Variants in PTPRK observed in about 807,000 individuals in gnomAD.
The protein encoded by PTPRK is protein tyrosine phosphatase receptor type K, also known as receptor-type tyrosine-protein phosphatase kappa.
In PTPRK, 75 loss-of-function variants were observed where a neutral mutation model predicts 178.0. The observed-to-expected ratio is 0.42, with a 90% CI of 0.35 to 0.51. PTPRK has a LOEUF of 0.51. Among genes scored for constraint, PTPRK ranks in the 20% least tolerant of loss-of-function variants. PTPRK has a pLI of 0.02. For missense variants in PTPRK, 1,441 were observed against 1,797.8 expected, an observed-to-expected ratio of 0.80 and a Z score of 3.59; for synonymous variants, 637 against 620.6, an observed-to-expected ratio of 1.03 and a Z score of -0.39.
intron 1 of PTPRK, among the ~76,000 whole-genome samples, chr6:128,480,388 C>T (rs1851915848): frequency 7.1e-6 from 1 of 141,568 alleles, no homozygotes; most frequent in East Asian, 1.9e-4. Context: ...CCTCCCAAAC[C>T]CCTAGGCTCA....
chr6:128,269,900 A>G (rs1212282284), intron 3 of PTPRK, among the ~76,000 whole-genome samples: 1 of 152,074 alleles, frequency 6.6e-6, no homozygotes, highest in African/African-American at 2.4e-5. Flanking sequence ...TCCCAAAGCA[A>G]CTCCTCTTAT....
chr6:128,505,998 C>A (rs1178015053), intron 1 of PTPRK, among the ~76,000 whole-genome samples: 1 of 152,054 alleles, frequency 6.6e-6, no homozygotes, highest in Non-Finnish European at 1.5e-5. Flanking sequence ...AGCTAGGCAA[C>A]CTCCAAAAAG....
chr6:128,397,615 C>A lies in PTPRK; in HGVS notation c.174G>T (p.Val58=), dbSNP rs781515126. The change falls in exon 2 of 30, where the codon GTG becomes GTT. Residue 58 remains valine, a synonymous_variant. Transcript: ENST00000368226. ...AATGAGGCTCTTGAGCACTAACATG[C>A]ACCCATTCAAAGTCATCATACAGAT... is the stretch of plus-strand genomic sequence containing the variant. ...HQDLYDDFEW[V]HVSAQEPHYL... 6.2e-7 allele frequency: 1 copy of A among 1,613,906 alleles called. No homozygotes were observed. Among genetic ancestry groups the A allele is most frequent in the East Asian group, 2.2e-5 (1 of 44,862 alleles).
chr6:127,977,161 C>T (rs1446935918), intron 25 of PTPRK, 107 bp from the exon 26 acceptor site: 1 of 1,119,662 alleles, frequency 8.9e-7, no homozygotes, highest in Non-Finnish European at 1.3e-6. Flanking sequence ...GATGCAATAG[C>T]TTCATATGCA....
Position 127,981,210 on chromosome 6 carries a change from C to T in PTPRK, c.3617G>A (p.Arg1206His). 3.1e-6 allele frequency: 5 copies of T among 1,613,710 alleles called. No individual in the cohort carries two copies. The highest frequency in any genetic ancestry group is 1.7e-5 in the Admixed American group (1 of 60,010). The change falls in exon 25 of 30, where the codon CGT (arginine) becomes CAT (histidine). Residue 1206 changes from arginine (R) to histidine (H), a missense_variant. Physicochemically the swap from Arg to His is conservative, Grantham distance 29. Around this residue, in one of 4 missense-constraint regions of PTPRK, gnomAD observed 335 missense variants for 512.4 expected, o/e 0.65. Coordinates refer to ENST00000368226, the MANE Select transcript of PTPRK (RefSeq NM_002844.4). ...GTCAGGTGGCAGCATGTCCATGAAA[C>T]GGTTCTTGTCATGGTTCCTTGGCAG... ...ACLPRNHDKNRFMDMLPPDRC... is the reference protein window; with the variant it reads ...ACLPRNHDKNHFMDMLPPDRC...
intron 3 of PTPRK, among the ~76,000 whole-genome samples, chr6:128,270,750 C>T (rs895066818): frequency 3.9e-5 from 6 of 151,952 alleles, no homozygotes; most frequent in African/African-American, 1.5e-4. Context: ...GTACACATTT[C>T]TTCAAAATGC....
At chr6:128,137,560 T>C (rs1204733514) in intron 7 of PTPRK, among the ~76,000 whole-genome samples, 1 of 152,164 alleles carries the variant, frequency 6.6e-6, no homozygotes, top group East Asian at 1.9e-4. Context: ...AACAGATATC[T>C]CTTTGTGTGT....
At chr6:128,192,142 G>A (rs1177150169) in intron 6 of PTPRK, among the ~76,000 whole-genome samples, 1 of 152,124 alleles carries the variant, frequency 6.6e-6, no homozygotes, top group East Asian at 1.9e-4. Context: ...GTAAAAACTT[G>A]ATCAAAATAA....
At chr6:128,180,054 T>G (rs1474005098) in intron 7 of PTPRK, among the ~76,000 whole-genome samples, 1 of 152,086 alleles carries the variant, frequency 6.6e-6, no homozygotes, top group Admixed American at 6.6e-5. Context: ...CTGGACACTC[T>G]GAACTATTGA....
At chr6:128,117,439 G>A (rs73586606) in intron 7 of PTPRK, among the ~76,000 whole-genome samples, 2,872 of 152,148 alleles carry the variant, frequency 0.019, 78 homozygotes, top group African/African-American at 0.065. Context: ...ATTTACAATC[G>A]CACGACATAA....
chr6:128,029,677 T>TAATAATAAC (rs1774963811), intron 13 of PTPRK, among the ~76,000 whole-genome samples: 1 of 147,804 alleles, frequency 6.8e-6, no homozygotes, highest in Admixed American at 6.8e-5. Context: ...ATAATAATAA[T>TAATAATAAC]AATAATAATA....
At chr6:128,180,867 T>C (rs554728262) in intron 7 of PTPRK, among the ~76,000 whole-genome samples, 3 of 152,132 alleles carry the variant, frequency 2.0e-5, no homozygotes, top group African/African-American at 7.2e-5. Flanking sequence ...TGCTATACTA[T>C]TATAAGAGGG....
chr6:128,509,995 T>C (rs1315016268), intron 1 of PTPRK, among the ~76,000 whole-genome samples: 3 of 152,184 alleles, frequency 2.0e-5, no homozygotes, highest in Non-Finnish European at 2.9e-5. Flanking sequence ...ACAAACTTCA[T>C]CATTTAGGAC....
At chr6:128,441,797 C>T (rs1846317430) in intron 1 of PTPRK, among the ~76,000 whole-genome samples, 1 of 152,170 alleles carries the variant, frequency 6.6e-6, no homozygotes, top group South Asian at 2.1e-4. Context: ...TGGTTTTGGT[C>T]ACTATTGCAG....
intron 8 of PTPRK, among the ~76,000 whole-genome samples, chr6:128,084,474 C>T (rs1346747061): frequency 6.6e-6 from 1 of 152,140 alleles, no homozygotes; most frequent in African/African-American, 2.4e-5. Flanking sequence ...AGGAAATTCA[C>T]TTATTCAAAG....
At chr6:128,430,334 A>C (rs1844672568) in intron 1 of PTPRK, among the ~76,000 whole-genome samples, 1 of 152,226 alleles carries the variant, frequency 6.6e-6, no homozygotes, top group African/African-American at 2.4e-5. Flanking sequence ...TATTTAAAAG[A>C]TTATATGGGC....
intron 2 of PTPRK, among the ~76,000 whole-genome samples, chr6:128,328,765 A>C (rs1183010746): frequency 3.3e-5 from 5 of 152,180 alleles, no homozygotes; most frequent in African/African-American, 1.2e-4. Flanking sequence ...CAAAAATAAT[A>C]ATTTAAGATT....
intron 13 of PTPRK, among the ~76,000 whole-genome samples, chr6:128,039,849 C>T (rs562205794): frequency 6.6e-6 from 1 of 152,158 alleles, no homozygotes; most frequent in Non-Finnish European, 1.5e-5. Context: ...GCATTACAGA[C>T]AGGAAGCACA....
chr6:128,417,213 T>G (rs774300158), intron 1 of PTPRK, among the ~76,000 whole-genome samples: 2 of 152,030 alleles, frequency 1.3e-5, no homozygotes, highest in Non-Finnish European at 2.9e-5. Flanking sequence ...TTTTAACAAG[T>G]GGTCAAGTAT....
Sources: allele counts gnomAD v4.1 joint callset (sites outside exome capture counted in the v4.1 genomes callset), GRCh38; gene constraint gnomAD v4.1.1; regional missense constraint gnomAD v4.1.1; transcripts MANE v1.5; gene names NCBI Gene and HGNC (gene_info 2026-07-23, HGNC 2026-07-21).